Variants in MACC1 observed in about 807,000 individuals in gnomAD.
MACC1 encodes the protein metastasis-associated in colon cancer protein 1.
In MACC1, 79 loss-of-function variants were observed where a neutral mutation model predicts 70.7. The observed-to-expected ratio is 1.12, with a 90% CI of 0.93 to 1.35. MACC1 has a LOEUF of 1.35. Among genes scored for constraint, MACC1 ranks in the 40% most tolerant of loss-of-function variants. The pLI is 0.00. For missense variants in MACC1, 1,106 were observed against 978.1 expected (o/e 1.13, Z -1.74); for synonymous variants, 361 against 347.2 (o/e 1.04, Z -0.44).
chr7:20,176,644 G>C (rs944945672), intron 1 of MACC1, among the ~76,000 whole-genome samples: 2 of 152,090 alleles, frequency 1.3e-5, no homozygotes, highest in Non-Finnish European at 2.9e-5. Flanking sequence ...TAGCAGCTTA[G>C]TATTTAATAG....
At chr7:20,196,316 G>C (rs1343825410) in intron 1 of MACC1, among the ~76,000 whole-genome samples, 2 of 152,060 alleles carry the variant, frequency 1.3e-5, no homozygotes, top group Non-Finnish European at 2.9e-5. Flanking sequence ...GAGTAGCTGG[G>C]ACTACAGGCG....
rs182447961 is a variant in MACC1, at chr7:20,205,930, A to G, written c.-218+11369T>C. Reference sequence around the variant, plus strand: ...GCACCTCCATATATACCTCACATCAATATATCTCTTCTTCCTTATCTCTAT... The same window carrying G: ...GCACCTCCATATATACCTCACATCAGTATATCTCTTCTTCCTTATCTCTAT... On this transcript the variant is annotated intron_variant, in intron 1 of 6. Coordinates refer to ENST00000400331, the MANE Select transcript of MACC1 (RefSeq NM_182762.4). 2.4e-3 allele frequency among the ~76,000 whole-genome samples: 365 copies of G among 152,062 alleles called. 2 individuals are homozygous for G. Among genetic ancestry groups the G allele is most frequent in the Non-Finnish European group, 3.8e-3 (258 of 67,990 alleles).
intron 2 of MACC1, among the ~76,000 whole-genome samples, chr7:20,166,044 T>C (rs1782212947): frequency 6.6e-6 from 1 of 152,214 alleles, no homozygotes; most frequent in South Asian, 2.1e-4. Flanking sequence ...AAAAGAATTA[T>C]TTCTTTAAAA....
intron 1 of MACC1, among the ~76,000 whole-genome samples, chr7:20,186,960 ACT>A (rs1782598319): frequency 6.6e-6 from 1 of 152,202 alleles, no homozygotes; most frequent in African/African-American, 2.4e-5. Flanking sequence ...TAGAATAATT[ACT>A]ATCATGTTTT....
At chr7:20,143,583 G>A (rs1024552550) in intron 6 of MACC1, among the ~76,000 whole-genome samples, 2 of 151,912 alleles carry the variant, frequency 1.3e-5, no homozygotes, top group African/African-American at 4.8e-5. Flanking sequence ...TAGAGACAGG[G>A]TTTCACCACC....
At chr7:20,207,151 T>TA (rs897972197) in intron 1 of MACC1, among the ~76,000 whole-genome samples, 10 of 152,020 alleles carry the variant, frequency 6.6e-5, no homozygotes, top group Non-Finnish European at 1.3e-4. Flanking sequence ...TTCTTTTCTT[T>TA]TTTTTTTTAG....
chr7:20,203,815 T>C (rs553389273), intron 1 of MACC1, among the ~76,000 whole-genome samples: 45 of 152,316 alleles, frequency 3.0e-4, no homozygotes, highest in Non-Finnish European at 5.6e-4. Flanking sequence ...TAATTAATTT[T>C]TTCAATTTAA....
At chr7:20,208,171 C>G (rs1156236061) in intron 1 of MACC1, among the ~76,000 whole-genome samples, 1 of 152,180 alleles carries the variant, frequency 6.6e-6, no homozygotes, top group Non-Finnish European at 1.5e-5. Context: ...ATTATCCAGT[C>G]TCAGGTATTT....
intron 1 of MACC1, among the ~76,000 whole-genome samples, chr7:20,199,720 T>C (rs1438576807): frequency 2.0e-5 from 3 of 152,112 alleles, no homozygotes; most frequent in African/African-American, 7.2e-5. Flanking sequence ...CAGAGGTGAG[T>C]CAAAGAGTAC....
chr7:20,207,531 C>T (rs1244261938), intron 1 of MACC1, among the ~76,000 whole-genome samples: 1 of 152,074 alleles, frequency 6.6e-6, no homozygotes, highest in Non-Finnish European at 1.5e-5. Flanking sequence ...ACCTATAATT[C>T]AAATTCTAGA....
chr7:20,161,874 C>A lies in MACC1; in HGVS notation c.-8-4G>T. 2 of 1,537,238 alleles carry A rather than the reference C, an allele frequency of 1.3e-6. 1 individual carries two copies. On this transcript the variant is annotated splice_polypyrimidine_tract_variant and splice_region_variant and intron_variant, in intron 3 of 6. Coordinates refer to ENST00000400331, the MANE Select transcript of MACC1 (RefSeq NM_182762.4). ...TCAGTGATTAGCATTTTTCCACCTA[C>A]AAAGTAAATAGATAAGTATTTTTTG...
At chr7:20,175,558 T>C (rs1782378384) in intron 1 of MACC1, among the ~76,000 whole-genome samples, 1 of 152,144 alleles carries the variant, frequency 6.6e-6, no homozygotes, top group Non-Finnish European at 1.5e-5. Flanking sequence ...TTTCATATAA[T>C]TGCATATATG....
At chr7:20,164,730 C>A (rs1782187942) in intron 2 of MACC1, among the ~76,000 whole-genome samples, 1 of 152,064 alleles carries the variant, frequency 6.6e-6, no homozygotes, top group African/African-American at 2.4e-5. Flanking sequence ...GTTTTTAGCA[C>A]AGAATAAGTA....
chr7:20,136,939 A>G lies in MACC1; in HGVS notation c.*4007T>C, dbSNP rs1024756291. 8 of 144,582 alleles carry G rather than the reference A, an allele frequency of 5.5e-5. No homozygotes were observed. The highest frequency in any genetic ancestry group is 1.9e-4 in the East Asian group (1 of 5,132). 9.0% of individuals were successfully genotyped at this position (144,582 alleles called of 1,614,324 possible). A position where few individuals can be genotyped will look rare whatever the true frequency, so the allele number is the denominator to read the frequency against. ...TTATTAATTATAATATTAAATTATA[A>G]TTATTAATTCTTAAAGATTATGAAT... On this transcript the variant is annotated 3_prime_UTR_variant, in exon 7 of 7. Transcript: ENST00000400331.
At position 20,158,425 on chromosome 7, in the gene MACC1, A is replaced by AT. The variant is rs772185457; in HGVS notation, c.1935dup (p.Leu646IlefsTer18). 1.9e-6 allele frequency: 3 copies of AT among 1,613,868 alleles called. No homozygotes were observed. Among genetic ancestry groups the AT allele is most frequent in the Admixed American group, 1.7e-5 (1 of 59,954 alleles). On this transcript the variant is annotated frameshift_variant, in exon 5 of 7. Transcript: ENST00000400331. LOFTEE classifies it high-confidence loss of function. ...AATACAACTGAGTAGATATAAGTCA[A>AT]TTTTTTTAAAGGCAGGACAATCTGT...
chr7:20,211,462 C>G (rs562512120), intron 1 of MACC1, among the ~76,000 whole-genome samples: 5 of 152,052 alleles, frequency 3.3e-5, no homozygotes, highest in Non-Finnish European at 7.4e-5. Flanking sequence ...CAATCTCTAA[C>G]GCCATAGGTT....
At chr7:20,196,112 G>T (rs1227290653) in intron 1 of MACC1, among the ~76,000 whole-genome samples, 1 of 152,100 alleles carries the variant, frequency 6.6e-6, no homozygotes, top group Admixed American at 6.6e-5. Flanking sequence ...CAATCTGTGG[G>T]AGGTTTAGGA....
At chr7:20,145,316 C>A (rs1221194049) in intron 6 of MACC1, among the ~76,000 whole-genome samples, 2 of 152,090 alleles carry the variant, frequency 1.3e-5, no homozygotes, top group Admixed American at 1.3e-4. Context: ...TTGGAGAAGG[C>A]AGTTTCAAGA....
At chr7:20,163,662 T>A (rs1382008843) in intron 3 of MACC1, among the ~76,000 whole-genome samples, 1 of 152,212 alleles carries the variant, frequency 6.6e-6, no homozygotes, top group South Asian at 2.1e-4. Flanking sequence ...TCAGCCTTCT[T>A]TACATATATA....
Sources: gnomAD v4.1 joint callset for allele counts (sites outside exome capture counted in the v4.1 genomes callset) on GRCh38, gnomAD v4.1.1 for gene constraint, MANE v1.5 for transcripts, NCBI Gene and HGNC (gene_info 2026-07-23, HGNC 2026-07-21) for gene names.